Variants in USPL1 observed in about 807,000 individuals in gnomAD.
USPL1 encodes the protein SUMO-specific isopeptidase USPL1.
USPL1 carries 27 observed loss-of-function variants against 51.5 expected under a neutral mutation model. The observed-to-expected ratio is 0.52, with a 90% CI of 0.39 to 0.72. The LOEUF (loss-of-function observed/expected upper bound fraction) is 0.72, where lower values mean the gene tolerates loss of function less well. USPL1 is among the 30% of genes least tolerant of loss of function. USPL1 has a pLI of 0.00. For synonymous variants in USPL1, 451 were observed against 459.6 expected (o/e 0.98, Z 0.24); for missense variants, 1,226 against 1,268.0 (o/e 0.97, Z 0.50).
At chr13:30,630,268 TTGTTGTTATTTGGCATA>T (rs1409063272) in intron 3 of USPL1, among the ~76,000 whole-genome samples, 1 of 152,182 alleles carries the variant, frequency 6.6e-6, no homozygotes, top group Non-Finnish European at 1.5e-5. Context: ...TATGTTTACA[TTGTTGTTATTTGGCATA>T]AATTGTGTTA....
At chr13:30,656,324 A>G (rs940989802) in intron 8 of USPL1, among the ~76,000 whole-genome samples, 2 of 134,450 alleles carry the variant, frequency 1.5e-5, no homozygotes, top group South Asian at 4.9e-4. Flanking sequence ...GGACTTTTTC[A>G]TCAACCCAAA....
In USPL1 at chr13:30,630,876, T is replaced by C. The variant is rs1950794163; in HGVS notation, c.270T>C (p.Ile90=). Residue 90 remains isoleucine (I), a synonymous_variant, in exon 4 of 9, where the codon ATT becomes ATC. Transcript: ENST00000255304. Reference sequence around the variant, plus strand: ...GCTCTAAATCACTTAATAACCTAATTTCTCCTGATTTGGAAGAATGTCACA... The same window carrying C: ...GCTCTAAATCACTTAATAACCTAATCTCTCCTGATTTGGAAGAATGTCACA... ...PLGSKSLNNL[I]SPDLEECHTP... is the part of the protein sequence containing the mutation. 6.2e-7 allele frequency: 1 copy of C among 1,613,028 alleles called. No homozygotes were observed. Among genetic ancestry groups the C allele is most frequent in the East Asian group, 2.2e-5 (1 of 44,864 alleles).
In USPL1 at chr13:30,658,247, A is replaced by G. The variant is rs1401400544; in HGVS notation, c.2170A>G (p.Asn724Asp). ...AGAACGTGTCACATCTCAGGTATCT[A>G]ATTTGAAGAAAAAAGAAACTACAGC... Reference protein sequence around the residue: ...KPERVTSQVSNLKKKETTADS... With the variant: ...KPERVTSQVSDLKKKETTADS... Residue 724 changes from asparagine to aspartate, a missense_variant, in exon 9 of 9, where the codon AAT (asparagine) becomes GAT (aspartate). By Grantham distance (23) the Asn-to-Asp change is conservative. Coordinates refer to ENST00000255304, the MANE Select transcript of USPL1 (RefSeq NM_005800.5). 6.2e-7 allele frequency: 1 copy of G among 1,612,594 alleles called. No individual in the cohort carries two copies. Among genetic ancestry groups the G allele is most frequent in the Non-Finnish European group, 8.5e-7 (1 of 1,179,736 alleles).
chr13:30,642,995 C>G (rs549204934), intron 6 of USPL1, among the ~76,000 whole-genome samples: 1 of 152,276 alleles, frequency 6.6e-6, no homozygotes, highest in South Asian at 2.1e-4. Context: ...GAGTAGAATA[C>G]CTCTCAGAAT....
rs1593401143 is a variant in USPL1, at chr13:30,659,540, C to T, written c.*184C>T. ...TAATCTTTCTTACACATTAAAATCACTGAATGTGTTCTCCTTTTTGGTTTC... is the reference window on the plus strand; with the variant it reads ...TAATCTTTCTTACACATTAAAATCATTGAATGTGTTCTCCTTTTTGGTTTC... On this transcript the variant is annotated 3_prime_UTR_variant, in exon 9 of 9. Transcript: ENST00000255304. The T allele has an allele frequency of 1.9e-6, 1 of 514,934 alleles. No homozygotes were observed. The highest frequency in any genetic ancestry group is 3.8e-5 in the Admixed American group (1 of 26,292). 31.9% of individuals were successfully genotyped at this position (514,934 alleles called of 1,614,324 possible). A position where few individuals can be genotyped will look rare whatever the true frequency, so the allele number is the denominator to read the frequency against.
chr13:30,640,535 C>A (rs981963049), intron 5 of USPL1, among the ~76,000 whole-genome samples: 1 of 151,974 alleles, frequency 6.6e-6, no homozygotes, highest in Admixed American at 6.6e-5. Flanking sequence ...ACTAAAAATA[C>A]AAAAAATTAG....
At chr13:30,627,841 C>G (rs1423137755) in intron 3 of USPL1, among the ~76,000 whole-genome samples, 1 of 151,812 alleles carries the variant, frequency 6.6e-6, no homozygotes, top group Non-Finnish European at 1.5e-5. Flanking sequence ...TCCCATTTTC[C>G]TCTCCCCCAG....
chr13:30,655,615 ATGTACT>A (rs1009569151), intron 8 of USPL1, among the ~76,000 whole-genome samples: 6 of 152,264 alleles, frequency 3.9e-5, no homozygotes, highest in East Asian at 1.9e-4. Flanking sequence ...AAAAGGATAG[ATGTACT>A]TGTATAAGGA....
At position 30,657,643 on chromosome 13, in the gene USPL1, T is replaced by C. The variant is rs1951182143; in HGVS notation, c.1566T>C (p.Ala522=). Residue 522 remains alanine (A), a synonymous_variant, in exon 9 of 9, where the codon GCT becomes GCC. Transcript: ENST00000255304. ...TTAAAAAGACTAATGACCAACACGC[T>C]CTCAGTAATGAGAAACCAGTATCTT... ...LPLKKTNDQH[A]LSNEKPVSLT... is the part of the protein sequence containing the mutation. 6.2e-7 allele frequency: 1 copy of C among 1,614,150 alleles called. No individual in the cohort carries two copies. Among genetic ancestry groups the C allele is most frequent in the Non-Finnish European group, 8.5e-7 (1 of 1,180,020 alleles).
intron 4 of USPL1, among the ~76,000 whole-genome samples, chr13:30,633,655 A>C (rs886761927): frequency 6.6e-6 from 1 of 152,024 alleles, no homozygotes; most frequent in Non-Finnish European, 1.5e-5. Context: ...GCCTGTAGTC[A>C]CAGCTACTCT....
In USPL1 at chr13:30,658,562, C is replaced by A; in HGVS notation, c.2485C>A (p.Pro829Thr). 1 of 1,614,178 alleles carries A rather than the reference C, an allele frequency of 6.2e-7. No homozygotes were observed. The highest frequency in any genetic ancestry group is 8.5e-7 in the Non-Finnish European group (1 of 1,180,018). The change falls in exon 9 of 9, where the codon CCA becomes ACA. Residue 829 changes from proline (P) to threonine (T), a missense_variant. Transcript: ENST00000255304. Reference sequence around the variant, plus strand: ...TAAGCCTCCTCCCATCAGTAAGCCACCAGCAGGCCCTCCATCGTCTAATGG... The same window carrying A: ...TAAGCCTCCTCCCATCAGTAAGCCAACAGCAGGCCCTCCATCGTCTAATGG... ...ASKPPPISKP[P>T]AGPPSSNGTA...
chr13:30,621,862 A>G lies in USPL1; in HGVS notation c.198A>G (p.Gln66=), dbSNP rs1161299828. 23 of 1,570,164 alleles carry G rather than the reference A, an allele frequency of 1.5e-5. No homozygotes were observed. The highest frequency in any genetic ancestry group is 7.4e-5 in the Admixed American group (4 of 53,820). The change falls in exon 3 of 9, where the codon CAA becomes CAG. Residue 66 remains glutamine, a synonymous_variant. Coordinates refer to ENST00000255304, the MANE Select transcript of USPL1 (RefSeq NM_005800.5). ...TAAAGACTTACCGAATTAGTTTTCAAGAATCTATCTTTTTGTGTGAGGATC... is the reference window on the plus strand; with the variant it reads ...TAAAGACTTACCGAATTAGTTTTCAGGAATCTATCTTTTTGTGTGAGGATC... ...KALKTYRISF[Q]ESIFLCEDLQ...
At chr13:30,640,290 G>GTT (rs1566053831) in intron 5 of USPL1, among the ~76,000 whole-genome samples, 1 of 152,150 alleles carries the variant, frequency 6.6e-6, no homozygotes, top group East Asian at 1.9e-4. Context: ...GGCTGATAAT[G>GTT]AATTACAAAA....
chr13:30,642,702 T>C lies in USPL1; in HGVS notation c.1057T>C (p.Tyr353His), dbSNP rs762637579. Residue 353 changes from tyrosine to histidine, a missense_variant, in exon 6 of 9, where the codon TAT becomes CAT. By Grantham distance (83) the Tyr-to-His change is moderately conservative (BLOSUM62 2). Transcript: ENST00000255304. ...LETHIEKLFLYSFSWDFECSQ... is the reference protein window; with the variant it reads ...LETHIEKLFLHSFSWDFECSQ... ...AACCCACATTGAAAAGCTCTTCCTA[T>C]ATTCTTTTTCTTGGGACTTTGAATG... 3 of 1,613,984 alleles carry C rather than the reference T, an allele frequency of 1.9e-6. No homozygotes were observed. Among genetic ancestry groups the C allele is most frequent in the South Asian group, 2.2e-5 (2 of 91,074 alleles).
intron 4 of USPL1, among the ~76,000 whole-genome samples, chr13:30,635,075 A>G (rs1042904982): frequency 3.3e-5 from 5 of 152,068 alleles, no homozygotes; most frequent in African/African-American, 9.7e-5. Context: ...TCCTTGTATC[A>G]TTGTTGCTAG....
At chr13:30,627,956 C>T (rs575734442) in intron 3 of USPL1, among the ~76,000 whole-genome samples, 2 of 151,750 alleles carry the variant, frequency 1.3e-5, no homozygotes, top group South Asian at 4.2e-4. Flanking sequence ...CGGCTCGCTG[C>T]AACTTCTGCC....
intron 3 of USPL1, among the ~76,000 whole-genome samples, chr13:30,628,043 A>ATTTTTTTTTTTTT (rs202119827): frequency 2.8e-4 from 35 of 127,010 alleles, no homozygotes; most frequent in East Asian, 4.6e-4. Context: ...TGCCTGGCTA[A>ATTTTTTTTTTTTT]TTTTTTTTTT....
chr13:30,639,295 T>C (rs888537172), intron 5 of USPL1, among the ~76,000 whole-genome samples: 1 of 151,830 alleles, frequency 6.6e-6, no homozygotes, highest in African/African-American at 2.4e-5. Context: ...TCGGGAAGCA[T>C]GGCATCTTTT....
intron 3 of USPL1, among the ~76,000 whole-genome samples, chr13:30,630,629 T>A (rs1319329802): frequency 6.6e-6 from 1 of 152,208 alleles, no homozygotes; most frequent in Non-Finnish European, 1.5e-5. Context: ...TTGTTCAAAT[T>A]AACCTGAAAA....
Sources: gnomAD v4.1 joint callset for allele counts (sites outside exome capture counted in the v4.1 genomes callset) on GRCh38, gnomAD v4.1.1 for gene constraint, MANE v1.5 for transcripts, NCBI Gene and HGNC (gene_info 2026-07-23, HGNC 2026-07-21) for gene names.